The following COCH variants were observed in gnomAD, a reference collection of about 807,000 sequenced individuals.
The protein encoded by COCH is coagulation factor C homolog, cochlin (Limulus polyphemus).
Under a neutral mutation model 54.8 loss-of-function variants are expected in COCH, and 40 were observed. The ratio of observed to expected loss-of-function variants is 0.73; its 90% CI spans 0.57 to 0.95. The LOEUF (loss-of-function observed/expected upper bound fraction) is 0.95, where lower values mean the gene tolerates loss of function less well. Ranked by LOEUF, COCH falls within the 40% of genes least tolerant of loss-of-function variation. The pLI is 0.00. For synonymous variants in COCH, 256 were observed against 237.9 expected (o/e 1.08, Z -0.70); for missense variants, 605 against 675.0 (o/e 0.90, Z 1.15).
intron 8 of COCH, 39 bp downstream of exon 8, chr14:30,880,773 T>A (rs1178948393): frequency 5.4e-6 from 8 of 1,474,078 alleles, no homozygotes; most frequent in Middle Eastern, 3.5e-4. Context: ...AAAAAAAAAA[T>A]TATTTTGTAA....
In COCH at chr14:30,880,754, G is replaced by A. The variant is rs1169029430; in HGVS notation, c.629+20G>A. 1 of 1,592,200 alleles carries A rather than the reference G, an allele frequency of 6.3e-7. No homozygotes were observed. The highest frequency in any genetic ancestry group is 1.1e-5 in the South Asian group (1 of 90,294). ...AGCCAGGTACCAACCTTGTTAAAAT[G>A]GGAGATTTAAAAAAAAAATTATTTT... is the stretch of plus-strand genomic sequence containing the variant. On this transcript the variant is annotated intron_variant, in intron 8 of 11. Transcript: ENST00000396618.
chr14:30,881,074 A>T (rs1594376737), intron 8 of COCH, among the ~76,000 whole-genome samples: 1 of 151,950 alleles, frequency 6.6e-6, no homozygotes, highest in South Asian at 2.1e-4. Flanking sequence ...AATTAGCCAG[A>T]TGTGGTGGCA....
At chr14:30,874,730 G>A in intron 1 of COCH, 139 bp downstream of exon 1, 2 of 638,736 alleles carry the variant, frequency 3.1e-6, no homozygotes, top group Non-Finnish European at 2.8e-6. Context: ...ACCGATCCTG[G>A]GCTTCGCTCG....
In COCH at chr14:30,878,994, C is replaced by A. The variant is rs778615618; in HGVS notation, c.373+50C>A. 4 of 1,608,296 alleles carry A rather than the reference C, an allele frequency of 2.5e-6. No individual in the cohort carries two copies. In the Admixed American group the frequency reaches 5.0e-5, roughly 20 times the overall value. ...CTGTAATATTCTCCCACCCCCCAAA[C>A]GTTTTCTGCTTTTTTTAGCTCAGCC... is the stretch of plus-strand genomic sequence containing the variant. On this transcript the variant is annotated intron_variant, in intron 5 of 11. Transcript: ENST00000396618.
chr14:30,878,916 T>C lies in COCH; in HGVS notation c.345T>C (p.Ser115=), dbSNP rs2138844332. The C allele has an allele frequency of 1.2e-6, 2 of 1,614,210 alleles. No individual in the cohort carries two copies. Among genetic ancestry groups the C allele is most frequent in the Non-Finnish European group, 1.7e-6 (2 of 1,180,040 alleles). The change falls in exon 5 of 12, where the codon TCT becomes TCC. Residue 115 remains serine (S), a synonymous_variant. Transcript: ENST00000396618. ...DANGIQSQML[S]RWSASFTVTK... ...ATGGCATCCAGTCTCAAATGCTTTC[T>C]AGATGGTCTGCTTCTTTCACAGTAA...
At chr14:30,886,829 T>C (rs765180863) in intron 11 of COCH, among the ~76,000 whole-genome samples, 7 of 152,220 alleles carry the variant, frequency 4.6e-5, no homozygotes, top group African/African-American at 1.7e-4. Context: ...GCAATCCTCC[T>C]GTGTCAGCCT....
chr14:30,893,720 T>C (rs1896054078), downstream of COCH: 1 of 152,588 alleles, frequency 6.6e-6, no homozygotes, highest in Middle Eastern at 3.4e-3. Context: ...TTAATAGTGT[T>C]AGTGATCTAC....
chr14:30,877,422 G>A lies in COCH; in HGVS notation c.83-150G>A, dbSNP rs2138836372. 1 of 956,294 alleles carries A rather than the reference G, an allele frequency of 1.0e-6. No individual in the cohort carries two copies. The highest frequency in any genetic ancestry group is 2.6e-5 in the East Asian group (1 of 37,752). The allele number at this position is 956,294 out of a possible 1,614,324, so 59.2% of individuals were successfully genotyped here. A position where few individuals can be genotyped will look rare whatever the true frequency, so the allele number is the denominator to read the frequency against. The stretch of plus-strand genomic sequence containing the variant: ...CAACCTTGTGGCTTGCCAAAATCTG[G>A]AATGGTATGGAAGGGTATATAAGTC... On this transcript the variant is annotated intron_variant, in intron 3 of 11. Coordinates refer to ENST00000396618, the MANE Select transcript of COCH (RefSeq NM_004086.3). This position sits in a 1 kb window ranked among gnomAD's most constrained non-coding sequence, Gnocchi z 8.6.
At chr14:30,874,868 C>A in intron 1 of COCH, 48 bp from the exon 2 acceptor site, 1 of 1,568,778 alleles carries the variant, frequency 6.4e-7, no homozygotes, top group Non-Finnish European at 8.8e-7. Context: ...AGGTGACGCG[C>A]GGGGCCTCCC....
chr14:30,879,408 T>G lies in COCH; in HGVS notation c.374-15T>G. 1 of 1,613,494 alleles carries G rather than the reference T, an allele frequency of 6.2e-7. No individual in the cohort carries two copies. Among genetic ancestry groups the G allele is most frequent in the Non-Finnish European group, 8.5e-7 (1 of 1,179,610 alleles). On this transcript the variant is annotated splice_polypyrimidine_tract_variant and intron_variant, in intron 5 of 11. Coordinates refer to ENST00000396618, the MANE Select transcript of COCH (RefSeq NM_004086.3). ...AAGGAAAAGGAAAAAAATAAGCTTA[T>G]TTTTATTTTAACAGAAGGCAAAAGT... is the stretch of plus-strand genomic sequence containing the variant.
downstream of COCH, chr14:30,894,704 A>G: frequency 5.7e-6 from 1 of 174,348 alleles, no homozygotes; most frequent in Non-Finnish European, 1.2e-5. Context: ...GAAGGAAAGA[A>G]AGTGGTTACA....
chr14:30,888,641 A>G (rs1482095824), intron 11 of COCH, among the ~76,000 whole-genome samples: 2 of 152,066 alleles, frequency 1.3e-5, no homozygotes, highest in Non-Finnish European at 2.9e-5. Context: ...TTTAAAAATT[A>G]GCTGGGCTTA....
intron 8 of COCH, among the ~76,000 whole-genome samples, chr14:30,881,723 C>A (rs994261749): frequency 2.6e-5 from 4 of 152,072 alleles, no homozygotes; most frequent in Non-Finnish European, 1.5e-5. Flanking sequence ...CTTTGGGAGG[C>A]CGAGGCGGAT....
chr14:30,890,105 T>C lies in COCH; in HGVS notation c.*314T>C, dbSNP rs1895932200. ...TAAATGTACAGATATGCAAATTCCA[T>C]AGCTCAATAAAAGAATCTGATACTT... On this transcript the variant is annotated 3_prime_UTR_variant, in exon 12 of 12. Coordinates refer to ENST00000396618, the MANE Select transcript of COCH (RefSeq NM_004086.3). 9.7e-7 allele frequency: 1 copy of C among 1,035,936 alleles called. No homozygotes were observed. The highest frequency in any genetic ancestry group is 1.2e-6 in the Non-Finnish European group (1 of 860,360). 64.2% of individuals were successfully genotyped at this position (1,035,936 alleles called of 1,614,324 possible). A position where few individuals can be genotyped will look rare whatever the true frequency, so the allele number is the denominator to read the frequency against.
chr14:30,892,895 CAAA>C (rs1896020370), downstream of COCH, among the ~76,000 whole-genome samples: 1 of 151,774 alleles, frequency 6.6e-6, no homozygotes, highest in African/African-American at 2.4e-5. Flanking sequence ...TGGTAGATGA[CAAA>C]ATTTCTCAGT....
At chr14:30,885,194 G>T in intron 9 of COCH, 200 bp from the exon 10 acceptor site, 2 of 1,066,034 alleles carry the variant, frequency 1.9e-6, no homozygotes, top group East Asian at 2.4e-5. Flanking sequence ...AAGATAAATA[G>T]GCCTGGTAGA....
At position 30,890,545 on chromosome 14, in the gene COCH, C is replaced by T. The variant is rs1283807260; in HGVS notation, c.*754C>T. 2.1e-6 allele frequency: 2 copies of T among 947,140 alleles called. No individual in the cohort carries two copies. Among genetic ancestry groups the T allele is most frequent in the African/African-American group, 1.8e-5 (1 of 56,346 alleles). The allele number at this position is 947,140 out of a possible 1,614,324, so 58.7% of individuals were successfully genotyped here. On this transcript the variant is annotated 3_prime_UTR_variant, in exon 12 of 12. Transcript: ENST00000396618. Reference sequence around the variant, plus strand: ...GCTTATAAACATTTAAAGACAAAGACATTTCAAATAACTGCAGAAAAAATA... The same window carrying T: ...GCTTATAAACATTTAAAGACAAAGATATTTCAAATAACTGCAGAAAAAATA...
At chr14:30,889,463 G>A in intron 11 of COCH, 153 bp from the exon 12 acceptor site, 1 of 700,448 alleles carries the variant, frequency 1.4e-6, no homozygotes, top group South Asian at 1.8e-5. Flanking sequence ...CAATGACTGT[G>A]AAAACTTAAT....
At position 30,884,347 on chromosome 14, in the gene COCH, T is replaced by G. The variant is rs140687848; in HGVS notation, c.630-206T>G. On this transcript the variant is annotated intron_variant, in intron 8 of 11. Transcript: ENST00000396618. ...GGCTTATTACCCAGAATATAATAAA[T>G]CCTCAATATGGCAATTATTTGTTAC... 621 of 556,626 alleles carry G rather than the reference T, an allele frequency of 1.1e-3. 8 individuals carry two copies. Among genetic ancestry groups the G allele is most frequent in the African/African-American group, 0.011 (566 of 52,990 alleles). 34.5% of individuals were successfully genotyped at this position (556,626 alleles called of 1,614,324 possible).
Sources: gnomAD v4.1 joint callset for allele counts (sites outside exome capture counted in the v4.1 genomes callset) on GRCh38, gnomAD v4.1.1 for gene constraint, Gnocchi (gnomAD v3.1) non-coding constraint, MANE v1.5 for transcripts, NCBI Gene and HGNC (gene_info 2026-07-23, HGNC 2026-07-21) for gene names.